RIMS4: variants seen among roughly 807,000 people sequenced by gnomAD.
RIMS4 encodes regulating synaptic membrane exocytosis protein 4.
In RIMS4, 9 loss-of-function variants were observed where a neutral mutation model predicts 29.0. The ratio of observed to expected loss-of-function variants is 0.31; its 90% confidence interval spans 0.19 to 0.54. The LOEUF is 0.54. Among genes scored for constraint, RIMS4 ranks in the 20% least tolerant of loss-of-function variants. The probability of loss-of-function intolerance (pLI) is 0.94; values close to 1 mark genes in which losing one functional copy is unlikely to be tolerated. For synonymous variants in RIMS4, 130 were observed against 152.9 expected, an observed-to-expected ratio of 0.85 and a Z score of 1.10; for missense variants, 193 against 365.7, an observed-to-expected ratio of 0.53 and a Z score of 3.85.
chr20:44,757,131 A>C lies in RIMS4; in HGVS notation c.452-94T>G, dbSNP rs978904376. ...AGGGAGGCTGCCCACCCTCTGCTGG[A>C]GATAGGTGTGCCCCCATGGGGTCTG... On this transcript the variant is annotated intron_variant, in intron 4 of 5. Transcript: ENST00000372851. The C allele has an allele frequency of 4.3e-6, 6 of 1,391,370 alleles. No homozygotes were observed. The African/African-American group carries it at 8.6e-5, about 20-fold the overall frequency. 86.2% of individuals were successfully genotyped at this position (1,391,370 alleles called of 1,614,324 possible).
chr20:44,773,582 G>C (rs1378174048), intron 1 of RIMS4, among the ~76,000 whole-genome samples: 2 of 151,930 alleles, frequency 1.3e-5, no homozygotes, highest in Non-Finnish European at 2.9e-5. Context: ...CTCCCTCTCT[G>C]CTGAGCGCTG....
chr20:44,804,857 G>C (rs142955234), intron 1 of RIMS4, among the ~76,000 whole-genome samples: 1 of 152,184 alleles, frequency 6.6e-6, no homozygotes, highest in Non-Finnish European at 1.5e-5. Context: ...GATGGGGAAG[G>C]GGGTGCCTAA....
chr20:44,780,438 C>A (rs1293542072), intron 1 of RIMS4, among the ~76,000 whole-genome samples: 1 of 152,208 alleles, frequency 6.6e-6, no homozygotes, highest in East Asian at 1.9e-4. Flanking sequence ...CGAAGCATCC[C>A]TATCTGTGGT....
Position 44,759,172 on chromosome 20 carries a change from G to A in RIMS4, c.237-988C>T, listed in dbSNP as rs928656042. On this transcript the variant is annotated intron_variant, in intron 2 of 5. Transcript: ENST00000372851. ...ATGCCTGATGTGCCTCTGTTATCCT[G>A]AGCACCAAAGCACTTGCAACCCATT... Among the ~76,000 whole-genome samples the A allele has an allele frequency of 2.6e-5, 4 of 152,066 alleles. No homozygotes were observed. The East Asian group carries it at 5.8e-4, about 22-fold the overall frequency.
At chr20:44,802,274 G>A (rs560812424) in intron 1 of RIMS4, among the ~76,000 whole-genome samples, 5 of 152,122 alleles carry the variant, frequency 3.3e-5, no homozygotes, top group Non-Finnish European at 7.4e-5. Flanking sequence ...TCCAGCTCTG[G>A]GTTAGGTGTG....
Position 44,756,798 on chromosome 20 carries a change from T to A in RIMS4, c.591+100A>T. 1 of 1,284,502 alleles carries A rather than the reference T, an allele frequency of 7.8e-7. No individual in the cohort carries two copies. Among genetic ancestry groups the A allele is most frequent in the East Asian group, 2.4e-5 (1 of 41,864 alleles). 79.6% of individuals were successfully genotyped at this position (1,284,502 alleles called of 1,614,324 possible). A position where few individuals can be genotyped will look rare whatever the true frequency, so the allele number is the denominator to read the frequency against. On this transcript the variant is annotated intron_variant, in intron 5 of 5. Coordinates refer to ENST00000372851, the MANE Select transcript of RIMS4 (RefSeq NM_182970.4). The surrounding 1 kb of genome is among the most constrained non-coding windows in gnomAD (Gnocchi z 5.9). ...CGCCTGTTTCCTCCAGGCGAGGCCC[T>A]CCAGAGACACCCCCCGCCAGGGGTG... is the stretch of plus-strand genomic sequence containing the variant.
intron 1 of RIMS4, among the ~76,000 whole-genome samples, chr20:44,804,639 C>T (rs1241595831): frequency 6.6e-6 from 1 of 152,184 alleles, no homozygotes; most frequent in African/African-American, 2.4e-5. Flanking sequence ...CGCTCTCCTC[C>T]GCATCTCTCC....
At chr20:44,757,184 G>A (rs1006569073) in intron 4 of RIMS4, 147 bp from the exon 5 acceptor site, 13 of 871,562 alleles carry the variant, frequency 1.5e-5, no homozygotes, top group Non-Finnish European at 2.2e-5. Flanking sequence ...CACATGGGGG[G>A]TGGGCATTTG....
intron 2 of RIMS4, among the ~76,000 whole-genome samples, chr20:44,768,606 A>C (rs2066123844): frequency 6.6e-6 from 1 of 152,208 alleles, no homozygotes. Context: ...GGCAGGTGGC[A>C]GCGCCTCGCC....
At chr20:44,807,942 C>T (rs1167645453) in intron 1 of RIMS4, among the ~76,000 whole-genome samples, 1 of 152,066 alleles carries the variant, frequency 6.6e-6, no homozygotes, top group African/African-American at 2.4e-5. Flanking sequence ...ACATTTTCTA[C>T]ACAGTAAGGT....
intron 2 of RIMS4, among the ~76,000 whole-genome samples, chr20:44,764,993 T>A (rs2066107638): frequency 6.6e-6 from 1 of 152,212 alleles, no homozygotes; most frequent in African/African-American, 2.4e-5. Context: ...CAAAAACTCA[T>A]CTTGAGCCAA....
chr20:44,764,858 T>C (rs1247188517), intron 2 of RIMS4, among the ~76,000 whole-genome samples: 2 of 152,216 alleles, frequency 1.3e-5, no homozygotes, highest in Non-Finnish European at 2.9e-5. Flanking sequence ...TGTGCCAGGA[T>C]ATACCATATC....
At position 44,756,806 on chromosome 20, in the gene RIMS4, C is replaced by T. The variant is rs2066062550; in HGVS notation, c.591+92G>A. On this transcript the variant is annotated intron_variant, in intron 5 of 5. Coordinates refer to ENST00000372851, the MANE Select transcript of RIMS4 (RefSeq NM_182970.4). The surrounding 1 kb of genome is among the most constrained non-coding windows in gnomAD (Gnocchi z 5.9). ...TCCTCCAGGCGAGGCCCTCCAGAGA[C>T]ACCCCCCGCCAGGGGTGCCCTCCTC... 7.5e-7 allele frequency: 1 copy of T among 1,339,892 alleles called. No homozygotes were observed. Among genetic ancestry groups the T allele is most frequent in the African/African-American group, 1.5e-5 (1 of 68,340 alleles). The allele number at this position is 1,339,892 out of a possible 1,614,324, so 83.0% of individuals were successfully genotyped here. A position where few individuals can be genotyped will look rare whatever the true frequency, so the allele number is the denominator to read the frequency against.
At chr20:44,775,234 T>C in intron 1 of RIMS4, among the ~76,000 whole-genome samples, 1 of 151,996 alleles carries the variant, frequency 6.6e-6, no homozygotes. Context: ...GACCCAGAAA[T>C]AGACCCTCAC....
rs2066057167 is a variant in RIMS4 at position 44,755,842 on chromosome 20, G to A, written c.*292C>T. ...TTGGACAGTTTGGGAAGGGAGAGTGGTCTGCTCTGCCACCTCAATCTTTCC... is the reference window on the plus strand; with the variant it reads ...TTGGACAGTTTGGGAAGGGAGAGTGATCTGCTCTGCCACCTCAATCTTTCC... On this transcript the variant is annotated 3_prime_UTR_variant, in exon 6 of 6. Transcript: ENST00000372851. 1.3e-5 allele frequency: 5 copies of A among 383,550 alleles called. No homozygotes were observed. The highest frequency in any genetic ancestry group is 1.1e-4 in the Admixed American group (3 of 26,260). 23.8% of individuals were successfully genotyped at this position (383,550 alleles called of 1,614,324 possible). A position where few individuals can be genotyped will look rare whatever the true frequency, so the allele number is the denominator to read the frequency against.
chr20:44,757,063 A>G (rs1330384307), intron 4 of RIMS4, 26 bp from the exon 5 acceptor site: 1 of 1,608,016 alleles, frequency 6.2e-7, no homozygotes, highest in South Asian at 1.1e-5. Flanking sequence ...AGCAGGGGTG[A>G]GTTCTAGTTT....
intron 1 of RIMS4, among the ~76,000 whole-genome samples, chr20:44,793,082 C>G (rs2066239798): frequency 6.6e-6 from 1 of 152,142 alleles, no homozygotes; most frequent in Non-Finnish European, 1.5e-5. Flanking sequence ...GTGCCTTCCT[C>G]TAACTTGCAT....
intron 1 of RIMS4, among the ~76,000 whole-genome samples, chr20:44,779,583 T>C (rs1343253189): frequency 6.6e-6 from 1 of 152,256 alleles, no homozygotes; most frequent in Non-Finnish European, 1.5e-5. Context: ...AGTTCATTCA[T>C]TCTCATGACT....
intron 2 of RIMS4, among the ~76,000 whole-genome samples, chr20:44,768,030 T>C (rs535443814): frequency 6.6e-6 from 1 of 152,346 alleles, no homozygotes; most frequent in East Asian, 1.9e-4. Flanking sequence ...GCTGAAGCCA[T>C]TGTCCATTGG....
Sources: gnomAD v4.1 joint callset for allele counts (sites outside exome capture counted in the v4.1 genomes callset) on GRCh38, gnomAD v4.1.1 for gene constraint, Gnocchi (gnomAD v3.1) non-coding constraint, MANE v1.5 for transcripts, NCBI Gene and HGNC (gene_info 2026-07-23, HGNC 2026-07-21) for gene names.